Variants in FBXO47 observed in about 807,000 individuals in gnomAD.
FBXO47 encodes the protein F-box protein 47.
A neutral mutation model predicts 53.9 loss-of-function variants in FBXO47; 34 were observed. The observed-to-expected ratio is 0.63, with a 90% CI of 0.48 to 0.84. FBXO47 has a LOEUF of 0.84. FBXO47 is among the 40% of genes least tolerant of loss of function. The pLI, the probability that FBXO47 is intolerant of heterozygous loss-of-function variation, is 0.00. For missense variants in FBXO47, 485 were observed against 541.3 expected (o/e 0.90, Z 1.03); for synonymous variants, 165 against 181.6 (o/e 0.91, Z 0.73).
rs759906168 is a variant in FBXO47 at position 38,943,774 on chromosome 17, TGGCTTTGTGATAAA to T, written c.794-52_794-39del. ...AAAAACGAGGCTATGACAGAATAGT[TGGCTTTGTGATAAA>T]GACTTGTTTAAAAAGGAAAGTGAAT... is the stretch of plus-strand genomic sequence containing the variant. On this transcript the variant is annotated intron_variant, in intron 7 of 10. Transcript: ENST00000378079. The T allele has an allele frequency of 1.1e-5, 17 of 1,570,934 alleles. No homozygotes were observed. The African/African-American group carries it at 2.2e-4, about 21-fold the overall frequency.
At chr17:38,945,935 CA>C (rs34412322) in intron 6 of FBXO47, among the ~76,000 whole-genome samples, 2,240 of 94,570 alleles carry the variant, frequency 0.024, 95 homozygotes, top group African/African-American at 0.095. Context: ...GACTCTGGCT[CA>C]AAAAAAAAAA....
rs1338035790 is a variant in FBXO47, at chr17:38,946,971, AATATATGTAAAT to A, written c.617-1847_617-1836del. 1.1e-3 allele frequency among the ~76,000 whole-genome samples: 125 copies of A among 112,178 alleles called. No individual in the cohort carries two copies. In the East Asian group the frequency reaches 0.016, roughly 14 times the overall value. 73.6% of individuals were successfully genotyped at this position (112,178 alleles called of 152,430 possible). ...ATATATAAATATATAAACATATATA[AATATATGTAAAT>A]ATATATAAACATATACAAATATATG... On this transcript the variant is annotated intron_variant, in intron 6 of 10. Coordinates refer to ENST00000378079, the MANE Select transcript of FBXO47 (RefSeq NM_001008777.3).
chr17:38,945,761 C>G (rs1389825165), intron 6 of FBXO47, among the ~76,000 whole-genome samples: 1 of 151,358 alleles, frequency 6.6e-6, no homozygotes, highest in Non-Finnish European at 1.5e-5. Context: ...ACGGTGAAAC[C>G]CTGTCTCTAC....
chr17:38,936,932 G>A lies in FBXO47; in HGVS notation c.*243C>T, dbSNP rs1411963714. 6.0e-6 allele frequency: 2 copies of A among 332,958 alleles called. No individual in the cohort carries two copies. The allele number at this position is 332,958 out of a possible 1,614,324, so 20.6% of individuals were successfully genotyped here. On this transcript the variant is annotated 3_prime_UTR_variant, in exon 11 of 11. Transcript: ENST00000378079. The stretch of plus-strand genomic sequence containing the variant: ...TTCTATTTTGGTTTGGTGTTAGGTT[G>A]ACTAAAACCCGGAGAGGCAGAGCTT...
intron 7 of FBXO47, 112 bp downstream of exon 7, chr17:38,944,848 A>ATGTGTGTGTGTGGGTGTGTGTGTGTG: frequency 1.6e-6 from 1 of 615,520 alleles, no homozygotes; most frequent in South Asian, 2.2e-5. Flanking sequence ...GCGTGCATGC[A>ATGTGTGTGTGTGGGTGTGTGTGTGTG]TGTGTGTGTG....
At chr17:38,937,843 T>C (rs1915619637) in intron 10 of FBXO47, among the ~76,000 whole-genome samples, 1 of 152,056 alleles carries the variant, frequency 6.6e-6, no homozygotes, top group Non-Finnish European at 1.5e-5. Flanking sequence ...AATTTTTTTG[T>C]ATTTTTAGTA....
chr17:38,965,994 TTACA>T (rs1030823593), intron 1 of FBXO47, among the ~76,000 whole-genome samples: 9 of 152,118 alleles, frequency 5.9e-5, no homozygotes, highest in African/African-American at 1.9e-4. Flanking sequence ...TTTCAGACTT[TTACA>T]TACATATATT....
chr17:38,965,854 G>A (rs1324607895), intron 1 of FBXO47, among the ~76,000 whole-genome samples: 1 of 149,362 alleles, frequency 6.7e-6, no homozygotes, highest in East Asian at 1.9e-4. Flanking sequence ...CTGCACTCCA[G>A]CCTGGGTGAC....
chr17:38,938,094 G>A (rs942792180), intron 10 of FBXO47, among the ~76,000 whole-genome samples: 4 of 152,176 alleles, frequency 2.6e-5, no homozygotes, highest in Non-Finnish European at 5.9e-5. Flanking sequence ...GCTCATCCAT[G>A]CTTTATTGCT....
chr17:38,939,367 C>T lies in FBXO47; in HGVS notation c.1084-635G>A, dbSNP rs1258015247. On this transcript the variant is annotated intron_variant, in intron 9 of 10. Coordinates refer to ENST00000378079, the MANE Select transcript of FBXO47 (RefSeq NM_001008777.3). ...ATATGTATTGAAAACAGTTACTGAA[C>T]ATAGAAAAAAAATTTCTGCTCATTT... Among the ~76,000 whole-genome samples, 142 of 79,258 alleles carry T rather than the reference C, an allele frequency of 1.8e-3. 3 individuals are homozygous for T. The highest frequency in any genetic ancestry group is 0.012 in the Middle Eastern group (1 of 86). The allele number at this position is 79,258 out of a possible 152,430, so 52.0% of individuals were successfully genotyped here.
intron 9 of FBXO47, among the ~76,000 whole-genome samples, chr17:38,939,349 T>TATATATATATATA (rs1281455989): frequency 7.5e-6 from 1 of 133,806 alleles, no homozygotes; most frequent in African/African-American, 2.9e-5. Context: ...TATATATGTA[T>TATATATATATATA]TGAAAACAGT....
chr17:38,945,756 GAA>G (rs1904726986), intron 6 of FBXO47, among the ~76,000 whole-genome samples: 1 of 151,590 alleles, frequency 6.6e-6, no homozygotes, highest in African/African-American at 2.4e-5. Context: ...CTAACACGGT[GAA>G]ACCCTGTCTC....
At chr17:38,941,968 G>A (rs535638156) in intron 9 of FBXO47, among the ~76,000 whole-genome samples, 4 of 151,950 alleles carry the variant, frequency 2.6e-5, no homozygotes, top group South Asian at 2.1e-4. Context: ...GAGCCATCCC[G>A]TCCGGCCTAA....
Position 38,937,005 on chromosome 17 carries a change from T to C in FBXO47, c.*170A>G. 1 of 408,618 alleles carries C rather than the reference T, an allele frequency of 2.4e-6. No homozygotes were observed. Among genetic ancestry groups the C allele is most frequent in the East Asian group, 3.7e-5 (1 of 26,928 alleles). 25.3% of individuals were successfully genotyped at this position (408,618 alleles called of 1,614,324 possible). On this transcript the variant is annotated 3_prime_UTR_variant, in exon 11 of 11. Coordinates refer to ENST00000378079, the MANE Select transcript of FBXO47 (RefSeq NM_001008777.3). ...CATTCTTGAGGCTGCCTGTTATTTTTATATTAATAATGATGTACGTAGTTG... is the reference window on the plus strand; with the variant it reads ...CATTCTTGAGGCTGCCTGTTATTTTCATATTAATAATGATGTACGTAGTTG...
chr17:38,956,240 G>A (rs1905551770), intron 4 of FBXO47, among the ~76,000 whole-genome samples: 1 of 152,046 alleles, frequency 6.6e-6, no homozygotes, highest in Non-Finnish European at 1.5e-5. Flanking sequence ...TGACAGAAAG[G>A]TCATCTGGGA....
At chr17:38,959,434 G>A (rs562147919) in intron 3 of FBXO47, among the ~76,000 whole-genome samples, 1 of 151,920 alleles carries the variant, frequency 6.6e-6, no homozygotes, top group African/African-American at 2.4e-5. Context: ...ACAAAAATTA[G>A]TTAGACATGG....
intron 3 of FBXO47, 132 bp downstream of exon 3, chr17:38,961,745 G>A: frequency 2.6e-6 from 2 of 757,690 alleles, no homozygotes; most frequent in Non-Finnish European, 4.3e-6. Context: ...ACACTAAAGA[G>A]TAAAAACATC....
chr17:38,946,267 T>TATATATAAAAATATGTATAA (rs1904796547), intron 6 of FBXO47, among the ~76,000 whole-genome samples: 1 of 101,818 alleles, frequency 9.8e-6, no homozygotes, highest in Non-Finnish European at 1.7e-5. Flanking sequence ...TATGTATAAA[T>TATATATAAAAATATGTATAA]ATATATAAAA....
chr17:38,941,514 T>G, intron 9 of FBXO47, among the ~76,000 whole-genome samples: 1 of 150,960 alleles, frequency 6.6e-6, no homozygotes, highest in Admixed American at 6.7e-5. Flanking sequence ...TTGCTGTGTT[T>G]TCCAGGCTGC....
Sources: allele counts gnomAD v4.1 joint callset (sites outside exome capture counted in the v4.1 genomes callset), GRCh38; gene constraint gnomAD v4.1.1; transcripts MANE v1.5; gene names NCBI Gene and HGNC (gene_info 2026-07-23, HGNC 2026-07-21).